LRRC28: variants seen among roughly 807,000 people sequenced by gnomAD.
The protein encoded by LRRC28 is leucine rich repeat containing 28.
LRRC28 carries 39 observed loss-of-function variants against 45.7 expected under a neutral mutation model. The observed-to-expected ratio is 0.85, with a 90% confidence interval of 0.66 to 1.12. LRRC28 has a LOEUF of 1.12. Among genes scored for constraint, LRRC28 ranks in the 50% most tolerant of loss-of-function variants. LRRC28 has a pLI of 0.00. For missense variants in LRRC28, 435 were observed against 438.5 expected (o/e 0.99, Z 0.07); for synonymous variants, 206 against 178.8 (o/e 1.15, Z -1.22).
At chr15:99,319,918 T>G (rs1402368628) in intron 5 of LRRC28, among the ~76,000 whole-genome samples, 1 of 152,082 alleles carries the variant, frequency 6.6e-6, no homozygotes, top group African/African-American at 2.4e-5. Flanking sequence ...ATTCTCTGCC[T>G]CAGCCTCCCA....
At chr15:99,364,903 T>A (rs1418199182) in intron 9 of LRRC28, among the ~76,000 whole-genome samples, 2 of 152,196 alleles carry the variant, frequency 1.3e-5, no homozygotes, top group Admixed American at 1.3e-4. Flanking sequence ...GATCTTTATA[T>A]TAGCAAGATA....
chr15:99,279,998 C>A (rs1219338712), intron 3 of LRRC28, among the ~76,000 whole-genome samples: 2 of 152,064 alleles, frequency 1.3e-5, no homozygotes, highest in African/African-American at 4.8e-5. Context: ...TTATTTTAGT[C>A]ATTTGGATAG....
chr15:99,297,452 T>TG (rs1236526000), intron 5 of LRRC28: 1 of 134,204 alleles, frequency 7.5e-6, no homozygotes, highest in East Asian at 2.2e-4. Flanking sequence ...TTGGTAGAGG[T>TG]GGGGTCTTGC....
chr15:99,321,933 A>T (rs566290231), intron 5 of LRRC28, among the ~76,000 whole-genome samples: 1 of 152,218 alleles, frequency 6.6e-6, no homozygotes, highest in Admixed American at 6.6e-5. Flanking sequence ...AATAAATAGG[A>T]TGCTACAATT....
At chr15:99,259,689 C>G in intron 2 of LRRC28, 1 of 1,382,580 alleles carries the variant, frequency 7.2e-7, no homozygotes, top group Non-Finnish European at 1.0e-6. Flanking sequence ...CCCAGACATC[C>G]GCTGATCAGA....
intron 5 of LRRC28, among the ~76,000 whole-genome samples, chr15:99,326,248 T>C (rs952041072): frequency 6.6e-6 from 1 of 152,218 alleles, no homozygotes; most frequent in Non-Finnish European, 1.5e-5. Flanking sequence ...TAAAAGGTTT[T>C]AAAAGGTATA....
intron 2 of LRRC28, among the ~76,000 whole-genome samples, chr15:99,266,380 A>C (rs953452031): frequency 1.3e-5 from 2 of 152,156 alleles, no homozygotes; most frequent in Non-Finnish European, 1.5e-5. Context: ...CTAGCCAGGC[A>C]TCGAGGCATA....
At chr15:99,276,684 G>T in intron 3 of LRRC28, 68 bp downstream of exon 3, 1 of 1,229,490 alleles carries the variant, frequency 8.1e-7, no homozygotes, top group Non-Finnish European at 1.1e-6. Context: ...TGAAATAATA[G>T]GATATGTCAT....
chr15:99,356,273 A>C (rs926321751), intron 7 of LRRC28, among the ~76,000 whole-genome samples: 2 of 152,210 alleles, frequency 1.3e-5, no homozygotes, highest in Non-Finnish European at 2.9e-5. Context: ...GAGATGACCC[A>C]GATTGTTGAA....
chr15:99,292,817 A>T lies in LRRC28; in HGVS notation c.385+4866A>T, dbSNP rs1211050514. Among the ~76,000 whole-genome samples the T allele has an allele frequency of 2.6e-5, 4 of 152,124 alleles. No homozygotes were observed. The East Asian group carries it at 7.7e-4, about 29-fold the overall frequency. On this transcript the variant is annotated intron_variant, in intron 5 of 9. Coordinates refer to ENST00000301981, the MANE Select transcript of LRRC28 (RefSeq NM_144598.5). ...CAGTCAGGGATGATAGCAGCCGAGGATCTCTTGTCTTTGAAAATGTGCTTC... is the reference window on the plus strand; with the variant it reads ...CAGTCAGGGATGATAGCAGCCGAGGTTCTCTTGTCTTTGAAAATGTGCTTC...
At chr15:99,311,013 C>A (rs1307780564) in intron 5 of LRRC28, among the ~76,000 whole-genome samples, 2 of 152,094 alleles carry the variant, frequency 1.3e-5, no homozygotes, top group Non-Finnish European at 2.9e-5. Flanking sequence ...AGGTCTTGGC[C>A]CTGTGTGGGT....
chr15:99,365,226 C>A (rs893821172), intron 9 of LRRC28, among the ~76,000 whole-genome samples: 1 of 152,288 alleles, frequency 6.6e-6, no homozygotes, highest in South Asian at 2.1e-4. Context: ...TTCCCTGCTA[C>A]AACTTAGAAA....
chr15:99,364,960 C>G (rs1423354166), intron 9 of LRRC28, among the ~76,000 whole-genome samples: 1 of 151,992 alleles, frequency 6.6e-6, no homozygotes, highest in Non-Finnish European at 1.5e-5. Flanking sequence ...CAGTTCAAAC[C>G]CTTATGCATT....
intron 9 of LRRC28, among the ~76,000 whole-genome samples, chr15:99,385,518 C>G (rs1361899328): frequency 6.6e-6 from 1 of 152,236 alleles, no homozygotes; most frequent in Non-Finnish European, 1.5e-5. Context: ...GACCTTTGAA[C>G]TGTATTATTC....
At chr15:99,270,024 T>C (rs559333491) in intron 2 of LRRC28, among the ~76,000 whole-genome samples, 1 of 152,298 alleles carries the variant, frequency 6.6e-6, no homozygotes, top group Non-Finnish European at 1.5e-5. Flanking sequence ...CTCTATGACA[T>C]ATATAAAAAT....
At chr15:99,298,511 C>G (rs539628217) in intron 5 of LRRC28, among the ~76,000 whole-genome samples, 2 of 152,224 alleles carry the variant, frequency 1.3e-5, no homozygotes, top group African/African-American at 4.8e-5. Flanking sequence ...CAGTTTAAAA[C>G]CCTTCATTTA....
At chr15:99,311,778 C>T (rs1205650925) in intron 5 of LRRC28, among the ~76,000 whole-genome samples, 2 of 152,172 alleles carry the variant, frequency 1.3e-5, no homozygotes, top group Non-Finnish European at 2.9e-5. Context: ...AAAAATGTGC[C>T]ACCCCTGCTC....
chr15:99,341,166 C>T (rs1956497149), intron 6 of LRRC28, among the ~76,000 whole-genome samples: 1 of 146,246 alleles, frequency 6.8e-6, no homozygotes, highest in South Asian at 2.3e-4. Context: ...TCTGGGCTCA[C>T]TACAACCTCC....
At chr15:99,326,101 C>T (rs912212141) in intron 5 of LRRC28, among the ~76,000 whole-genome samples, 25 of 152,078 alleles carry the variant, frequency 1.6e-4, no homozygotes, top group Non-Finnish European at 2.8e-4. Context: ...CCTCACCTAC[C>T]TTTGTTCTGT....
Sources: allele counts gnomAD v4.1 joint callset (sites outside exome capture counted in the v4.1 genomes callset), GRCh38; gene constraint gnomAD v4.1.1; transcripts MANE v1.5; gene names NCBI Gene and HGNC (gene_info 2026-07-23, HGNC 2026-07-21).